The following PARP9 variants were observed in gnomAD, a reference collection of about 807,000 sequenced individuals.
PARP9 encodes the protein poly(ADP-ribose) polymerase family member 9.
In PARP9, 48 loss-of-function variants were observed where a neutral mutation model predicts 68.8. The ratio of observed to expected loss-of-function variants is 0.70; its 90% CI spans 0.55 to 0.89. The LOEUF (loss-of-function observed/expected upper bound fraction) is 0.89, where lower values mean the gene tolerates loss of function less well. Among genes scored for constraint, PARP9 ranks in the 40% least tolerant of loss-of-function variants. PARP9 has a pLI of 0.00. For synonymous variants in PARP9, 309 were observed against 333.8 expected, an observed-to-expected ratio of 0.93 and a Z score of 0.81; for missense variants, 806 against 969.3, an observed-to-expected ratio of 0.83 and a Z score of 2.24.
At chr3:122,538,188 G>A (rs1438149125) in intron 8 of PARP9, among the ~76,000 whole-genome samples, 1 of 146,930 alleles carries the variant, frequency 6.8e-6, no homozygotes, top group Non-Finnish European at 1.5e-5. Flanking sequence ...TTAACTTTGG[G>A]GAGCAATAGC....
intron 1 of PARP9, among the ~76,000 whole-genome samples, chr3:122,561,848 C>T (rs2080233208): frequency 6.6e-6 from 1 of 152,150 alleles, no homozygotes; most frequent in Non-Finnish European, 1.5e-5. Context: ...TTTTCAACTC[C>T]ACCTGGAGGT....
At position 122,545,450 on chromosome 3, in the gene PARP9, T is replaced by C; in HGVS notation, c.1366A>G (p.Ser456Gly). The C allele has an allele frequency of 2.5e-6, 4 of 1,614,110 alleles. No individual in the cohort carries two copies. The East Asian group carries it at 8.9e-5, about 36-fold the overall frequency. The change falls in exon 7 of 11, where the codon AGT becomes GGT. Residue 456 changes from serine to glycine, a missense_variant. Coordinates refer to ENST00000682323, the MANE Select transcript of PARP9 (RefSeq NM_001146105.2). ...TACTCACCACTGTAATTGTTCAAAC[T>C]CAGCATCTTGGACCTCTTTGCCATT... ...SEMAKRSKML[S>G]LNNYSVPQST...
intron 9 of PARP9, 138 bp from the exon 10 acceptor site, chr3:122,536,480 CAA>C (rs951266668): frequency 2.5e-5 from 35 of 1,401,096 alleles, no homozygotes; most frequent in African/African-American, 8.7e-5. Flanking sequence ...TAGAAAGTTG[CAA>C]AAGAGTCTCT....
chr3:122,535,416 T>C, intron 10 of PARP9: 2 of 985,422 alleles, frequency 2.0e-6, no homozygotes, highest in Non-Finnish European at 2.4e-6. Context: ...TCATGCTACA[T>C]ATGTTGAAAG....
intron 10 of PARP9, chr3:122,531,777 TG>T (rs1170131549): frequency 1.4e-5 from 2 of 142,076 alleles, no homozygotes; most frequent in African/African-American, 4.9e-5. Flanking sequence ...GAGCATGGGT[TG>T]TTTTTTTTTA....
At chr3:122,539,511 C>CTTTCT (rs2077952164) in intron 8 of PARP9, among the ~76,000 whole-genome samples, 2 of 16,964 alleles carry the variant, frequency 1.2e-4, no homozygotes, top group Admixed American at 3.7e-4. Context: ...GATGGCATTT[C>CTTTCT]TTTCTTTCTT....
At chr3:122,557,066 T>TC (rs538582224) in intron 3 of PARP9, among the ~76,000 whole-genome samples, 3 of 152,312 alleles carry the variant, frequency 2.0e-5, no homozygotes, top group African/African-American at 7.2e-5. Flanking sequence ...ACTCCTGATT[T>TC]CAAGCAATCT....
intron 10 of PARP9, chr3:122,532,263 T>C (rs2077363912): frequency 1.0e-6 from 1 of 985,096 alleles, no homozygotes; most frequent in Admixed American, 6.2e-5. Context: ...TTCTTCAGCA[T>C]GGAAAAGACA....
rs1317904528 is a variant in PARP9, at chr3:122,528,729, C to T, written c.2095G>A (p.Ala699Thr). The change falls in exon 11 of 11, where the codon GCT becomes ACT. Residue 699 changes from alanine to threonine, a missense_variant. By Grantham distance (58) the Ala-to-Thr change is moderately conservative. Coordinates refer to ENST00000682323, the MANE Select transcript of PARP9 (RefSeq NM_001146105.2). ...YSTPCDPKYG[A>T]GIYFTKNLKN... ...AGGTTCTTGGTGAAGTATATGCCAG[C>T]TCCGTATTTTGGATCTGATAAAGGA... 6.3e-7 allele frequency: 1 copy of T among 1,585,774 alleles called. No homozygotes were observed. The highest frequency in any genetic ancestry group is 1.8e-5 in the Admixed American group (1 of 54,326).
chr3:122,550,522 G>C lies in PARP9; in HGVS notation c.1326+62C>G, dbSNP rs183872978. 5.1e-3 allele frequency: 6,804 copies of C among 1,322,428 alleles called. 219 individuals carry two copies. In the South Asian group the frequency reaches 0.059, roughly 11 times the overall value. 81.9% of individuals were successfully genotyped at this position (1,322,428 alleles called of 1,614,324 possible). A position where few individuals can be genotyped will look rare whatever the true frequency, so the allele number is the denominator to read the frequency against. Reference sequence around the variant, plus strand: ...CATCTTACATTGTAGATACTAAACAGATGTTGCTGAATGAATGAATGAATG... The same window carrying C: ...CATCTTACATTGTAGATACTAAACACATGTTGCTGAATGAATGAATGAATG... On this transcript the variant is annotated intron_variant, in intron 6 of 10. Transcript: ENST00000682323.
In PARP9 at chr3:122,528,570, C is replaced by T; in HGVS notation, c.2254G>A (p.Gly752Arg). The change falls in exon 11 of 11, where the codon GGA (glycine) becomes AGA (arginine). Residue 752 changes from glycine to arginine, a missense_variant. This residue lies in a region of PARP9 where 680 missense variants were observed against 858.8 expected (regional missense o/e 0.79). Transcript: ENST00000682323. ...LNIVPPPLSP[G>R]AIDGHDSVVD... ...ACACTGTCATGACCATCTATAGCTCCAGGACTCAGTGGTGGGGGAACAATA... is the reference window on the plus strand; with the variant it reads ...ACACTGTCATGACCATCTATAGCTCTAGGACTCAGTGGTGGGGGAACAATA... 1.2e-6 allele frequency: 2 copies of T among 1,614,148 alleles called. No homozygotes were observed. Among genetic ancestry groups the T allele is most frequent in the Non-Finnish European group, 1.7e-6 (2 of 1,180,020 alleles).
chr3:122,531,401 T>A (rs540976933), intron 10 of PARP9, among the ~76,000 whole-genome samples: 45 of 152,242 alleles, frequency 3.0e-4, no homozygotes, highest in Non-Finnish European at 5.7e-4. Flanking sequence ...TTGCTACTTC[T>A]TATTAAGGGC....
intron 9 of PARP9, chr3:122,536,717 C>G: frequency 1.7e-6 from 1 of 580,732 alleles, no homozygotes; most frequent in Admixed American, 3.6e-5. Context: ...ATCTGGAATC[C>G]TTGCTTCTGT....
chr3:122,529,133 G>A (rs967299456), intron 10 of PARP9, among the ~76,000 whole-genome samples: 10 of 151,388 alleles, frequency 6.6e-5, no homozygotes, highest in Non-Finnish European at 1.2e-4. Flanking sequence ...AGCTACTCAG[G>A]AGGCTGAGGC....
At chr3:122,557,588 G>C (rs1303081622) in intron 3 of PARP9, among the ~76,000 whole-genome samples, 4 of 152,172 alleles carry the variant, frequency 2.6e-5, no homozygotes, top group African/African-American at 9.7e-5. Context: ...ATCAGTAGCT[G>C]AGCAAGGCCA....
chr3:122,556,049 T>A lies in PARP9; in HGVS notation c.122A>T (p.Asn41Ile). 6.2e-7 allele frequency: 1 copy of A among 1,611,736 alleles called. No individual in the cohort carries two copies. Among genetic ancestry groups the A allele is most frequent in the Admixed American group, 1.7e-5 (1 of 59,816 alleles). The change falls in exon 4 of 11, where the codon AAT becomes ATT. Residue 41 changes from asparagine (N) to isoleucine (I), a missense_variant. Around this residue, in one of 2 missense-constraint regions of PARP9, gnomAD observed 126 missense variants for 110.5 expected, o/e 1.14. Transcript: ENST00000682323. The part of the protein sequence containing the change: ...INHNDFKILK[N>I]NERQLCEVLQ... ...GACTTCACACAGCTGACGCTCATTA[T>A]TTTTTAAAATTTTGAAGTCATTGTG...
At chr3:122,562,158 C>T (rs1477938891) in intron 1 of PARP9, among the ~76,000 whole-genome samples, 2 of 62,112 alleles carry the variant, frequency 3.2e-5, no homozygotes, top group Non-Finnish European at 6.7e-5. Flanking sequence ...GCAATATACT[C>T]TTTTCTTTTC....
At chr3:122,540,416 CAAAAGAAGAAA>C in intron 8 of PARP9, 45 bp downstream of exon 8, 1 of 1,588,492 alleles carries the variant, frequency 6.3e-7, no homozygotes, top group East Asian at 2.2e-5. Context: ...CGCTCACACC[CAAAAGAAGAAA>C]CAATGGGGAG....
At chr3:122,539,754 G>C (rs1394921575) in intron 8 of PARP9, among the ~76,000 whole-genome samples, 1 of 152,020 alleles carries the variant, frequency 6.6e-6, no homozygotes, top group Admixed American at 6.6e-5. Flanking sequence ...AGTAGAGACA[G>C]AGTTTCTCCA....
Sources: gnomAD v4.1 joint callset for allele counts (sites outside exome capture counted in the v4.1 genomes callset) on GRCh38, gnomAD v4.1.1 for gene constraint, gnomAD v4.1.1 regional missense constraint, MANE v1.5 for transcripts, NCBI Gene and HGNC (gene_info 2026-07-23, HGNC 2026-07-21) for gene names.